The following IMMT variants were observed in gnomAD, a reference collection of about 807,000 sequenced individuals.
The protein encoded by IMMT is inner membrane mitochondrial protein.
Under a neutral mutation model 92.7 loss-of-function variants are expected in IMMT, and 40 were observed. The observed-to-expected ratio is 0.43, with a 90% CI of 0.34 to 0.56. The LOEUF (loss-of-function observed/expected upper bound fraction) is 0.56. Among genes scored for constraint, IMMT ranks in the 20% least tolerant of loss-of-function variants. IMMT has a pLI of 0.03. For synonymous variants in IMMT, 322 were observed against 336.1 expected (o/e 0.96, Z 0.46); for missense variants, 831 against 912.1 (o/e 0.91, Z 1.14).
At chr2:86,160,029 A>G (rs560020392) in intron 8 of IMMT, 194 of 156,866 alleles carry the variant, frequency 1.2e-3, no homozygotes, top group Non-Finnish European at 2.3e-3. Context: ...CTGACTGTGA[A>G]CAATCAACTG....
Position 86,144,400 on chromosome 2 carries a change from C to T in IMMT, c.2145G>A (p.Gly715=), listed in dbSNP as rs367754331. Residue 715 remains glycine (G), a synonymous_variant, in exon 15 of 15, where the codon GGG becomes GGA. Transcript: ENST00000410111. ...AGTCCTGTGCCACTCGTCTGGATTC[C>T]CCCTTCAGCTGATTGACAAACTTTG... The part of the protein sequence containing the change: ...LAAKFVNQLK[G]ESRRVAQDWL... The T allele has an allele frequency of 6.2e-7, 1 of 1,614,002 alleles. No homozygotes were observed. The highest frequency in any genetic ancestry group is 1.3e-5 in the African/African-American group (1 of 75,040).
At chr2:86,146,376 T>TA (rs11396222) in intron 13 of IMMT, among the ~76,000 whole-genome samples, 179 bp from the exon 14 acceptor site, 1,219 of 47,772 alleles carry the variant, frequency 0.026, 17 homozygotes, top group African/African-American at 0.046. Flanking sequence ...ATATAATATA[T>TA]TTTTTTTTTT....
intron 1 of IMMT, among the ~76,000 whole-genome samples, chr2:86,183,308 A>T (rs1558838632): frequency 1.3e-5 from 2 of 151,838 alleles, no homozygotes; most frequent in Non-Finnish European, 2.9e-5. Context: ...TCTTTAAATA[A>T]TTTTTTTTGT....
intron 3 of IMMT, 134 bp downstream of exon 3, chr2:86,179,299 G>T: frequency 1.5e-6 from 1 of 663,348 alleles, no homozygotes; most frequent in Non-Finnish European, 2.5e-6. Context: ...AGCATCCATG[G>T]GATTTTTGTA....
intron 3 of IMMT, among the ~76,000 whole-genome samples, chr2:86,177,963 C>T (rs970245469): frequency 5.3e-5 from 8 of 152,280 alleles, no homozygotes; most frequent in East Asian, 1.9e-4. Flanking sequence ...ACTGAGAGCA[C>T]TTATGGGACT....
chr2:86,146,251 G>T, intron 13 of IMMT, 54 bp from the exon 14 acceptor site: 1 of 1,495,704 alleles, frequency 6.7e-7, no homozygotes, highest in East Asian at 2.3e-5. Context: ...TGCATGTCAT[G>T]TAACTGTGTA....
chr2:86,144,827 A>G lies in IMMT; in HGVS notation c.1718T>C (p.Val573Ala), dbSNP rs1020540842. 4 of 1,611,114 alleles carry G rather than the reference A, an allele frequency of 2.5e-6. No homozygotes were observed. Among genetic ancestry groups the G allele is most frequent in the South Asian group, 1.1e-5 (1 of 90,850 alleles). The change falls in exon 15 of 15, where the codon GTG (valine) becomes GCG (alanine). Residue 573 changes from valine (V) to alanine (A), a missense_variant. By Grantham distance (64) the Val-to-Ala change is moderately conservative. Transcript: ENST00000410111. ...CTTCATGCTGTACTTTAATGCCTCC[A>G]CTGAAAGCCAGAGTTGGTGGGCTTT... ...ARKAHQLWLSVEALKYSMKTS... is the reference protein window; with the variant it reads ...ARKAHQLWLSAEALKYSMKTS...
chr2:86,182,648 C>T (rs533931553), intron 1 of IMMT, among the ~76,000 whole-genome samples: 54 of 152,284 alleles, frequency 3.5e-4, no homozygotes, highest in African/African-American at 1.2e-3. Flanking sequence ...ACGTCAGAAC[C>T]AGCCTTGGCA....
intron 7 of IMMT, among the ~76,000 whole-genome samples, chr2:86,163,425 T>C (rs1258405561): frequency 6.6e-6 from 1 of 152,226 alleles, no homozygotes; most frequent in East Asian, 1.9e-4. Context: ...GATCTGCAAG[T>C]ACTATAATGT....
rs1674863198 is a variant in IMMT, at chr2:86,144,744, C to T, written c.1801G>A (p.Ala601Thr). ...PLGSAVEAIKANCSDNEFTQA... is the reference protein window; with the variant it reads ...PLGSAVEAIKTNCSDNEFTQA... Reference sequence around the variant, plus strand: ...GTGAATTCATTATCAGAACAGTTGGCTTTGATGGCCTCAACTGCACTACCC... The same window carrying T: ...GTGAATTCATTATCAGAACAGTTGGTTTTGATGGCCTCAACTGCACTACCC... Residue 601 changes from alanine to threonine, a missense_variant, in exon 15 of 15, where the codon GCC (alanine) becomes ACC (threonine). Physicochemically the swap from Ala to Thr is moderately conservative, Grantham distance 58. Transcript: ENST00000410111. 1 of 1,613,878 alleles carries T rather than the reference C, an allele frequency of 6.2e-7. No homozygotes were observed. The highest frequency in any genetic ancestry group is 8.5e-7 in the Non-Finnish European group (1 of 1,179,884).
intron 1 of IMMT, among the ~76,000 whole-genome samples, chr2:86,182,684 C>T (rs1672509897): frequency 6.6e-6 from 1 of 151,926 alleles, no homozygotes; most frequent in Non-Finnish European, 1.5e-5. Flanking sequence ...ATCTCTACTA[C>T]AAATACAAAA....
At chr2:86,157,942 AAAAAAT>A (rs909783832) in intron 10 of IMMT, among the ~76,000 whole-genome samples, 39 of 152,226 alleles carry the variant, frequency 2.6e-4, no homozygotes, top group African/African-American at 9.4e-4. Flanking sequence ...GCAACGACAA[AAAAAAT>A]AAAAATAAAA....
At chr2:86,193,422 A>G (rs1673303748) in intron 1 of IMMT, among the ~76,000 whole-genome samples, 1 of 148,444 alleles carries the variant, frequency 6.7e-6, no homozygotes, top group Non-Finnish European at 1.5e-5. Flanking sequence ...AAAAAAAAAG[A>G]AAGATGGGGT....
In IMMT at chr2:86,144,829, T is replaced by G; in HGVS notation, c.1716A>C (p.Ser572=). ...EARKAHQLWL[S]VEALKYSMKT... is the part of the protein sequence containing the mutation. The stretch of plus-strand genomic sequence containing the variant: ...TCATGCTGTACTTTAATGCCTCCAC[T>G]GAAAGCCAGAGTTGGTGGGCTTTTC... The change falls in exon 15 of 15, where the codon TCA becomes TCC. Residue 572 remains serine (S), a synonymous_variant. Transcript: ENST00000410111. 5 of 1,611,206 alleles carry G rather than the reference T, an allele frequency of 3.1e-6. No homozygotes were observed. Among genetic ancestry groups the G allele is most frequent in the Non-Finnish European group, 4.2e-6 (5 of 1,179,148 alleles).
chr2:86,166,635 T>C lies in IMMT; in HGVS notation c.665A>G (p.Lys222Arg). ...QEQVKIESLAKSLEDALRQTA... is the reference protein window; with the variant it reads ...QEQVKIESLARSLEDALRQTA... ...TTGCCTCAGAGCATCTTCTAAGCTC[T>C]TGGCTAGAGCTTAAAAAAAAAAAAG... Residue 222 changes from lysine (K) to arginine (R), a missense_variant, in exon 7 of 15, where the codon AAG becomes AGG. Transcript: ENST00000410111. The C allele has an allele frequency of 6.2e-7, 1 of 1,602,248 alleles. No homozygotes were observed. Among genetic ancestry groups the C allele is most frequent in the Admixed American group, 1.8e-5 (1 of 56,996 alleles).
At chr2:86,149,620 G>A (rs1434665657) in intron 12 of IMMT, among the ~76,000 whole-genome samples, 2 of 152,194 alleles carry the variant, frequency 1.3e-5, no homozygotes, top group East Asian at 1.9e-4. Context: ...CCTCATGCCT[G>A]TAATTCTGGC....
intron 3 of IMMT, among the ~76,000 whole-genome samples, chr2:86,175,814 C>T (rs2367203): frequency 0.46 from 69,653 of 151,560 alleles, 16,545 homozygotes; most frequent in Non-Finnish European, 0.51. Flanking sequence ...GATGCAGCCC[C>T]TGAAGAGAAC....
intron 1 of IMMT, among the ~76,000 whole-genome samples, chr2:86,191,031 G>C (rs1304529715): frequency 1.3e-5 from 2 of 151,974 alleles, no homozygotes; most frequent in Admixed American, 1.3e-4. Context: ...CTGTGTTTTT[G>C]GATGAGATTA....
intron 11 of IMMT, among the ~76,000 whole-genome samples, chr2:86,152,138 C>A (rs1323619551): frequency 1.3e-5 from 2 of 151,932 alleles, no homozygotes; most frequent in Non-Finnish European, 2.9e-5. Flanking sequence ...AACACATACA[C>A]AGATTAAGAA....
Sources: gnomAD v4.1 joint callset for allele counts (sites outside exome capture counted in the v4.1 genomes callset) on GRCh38, gnomAD v4.1.1 for gene constraint, MANE v1.5 for transcripts, NCBI Gene and HGNC (gene_info 2026-07-23, HGNC 2026-07-21) for gene names.